Variants in IFT140 observed in about 807,000 individuals in gnomAD.
IFT140 encodes intraflagellar transport protein 140 homolog.
In IFT140, 133 loss-of-function variants were observed where a neutral mutation model predicts 164.6. That is an observed-to-expected ratio of 0.81 (90% CI 0.70 to 0.93). The LOEUF is 0.93. Among genes scored for constraint, IFT140 ranks in the 40% least tolerant of loss-of-function variants. IFT140 has a pLI of 0.00. For missense variants in IFT140, 2,045 were observed against 1,972.3 expected (o/e 1.04, Z -0.70); for synonymous variants, 860 against 817.3 (o/e 1.05, Z -0.89).
intron 29 of IFT140, 54 bp downstream of exon 29, chr16:1,519,827 C>T (rs2040464480): frequency 6.1e-6 from 9 of 1,479,870 alleles, no homozygotes; most frequent in Admixed American, 2.4e-5. Flanking sequence ...TGGTCAGCCC[C>T]GGCCCTGTAG....
In IFT140 at chr16:1,564,080, C is replaced by T. The variant is rs199758112; in HGVS notation, c.1984G>A (p.Val662Ile). The T allele has an allele frequency of 1.4e-5, 23 of 1,604,994 alleles. No individual in the cohort carries two copies. The African/African-American group carries it at 2.9e-4, about 21-fold the overall frequency. ...FWDQSEPRLF[V>I]CEAVQETPRS... ...GGCGTCTCCTGCACGGCTTCGCATA[C>T]AAACAGCCGGGGCTCACTCTGGTCC... Residue 662 changes from valine (V) to isoleucine (I), a missense_variant, in exon 17 of 31, where the codon GTA (valine) becomes ATA (isoleucine). Val to Ile is a conservative substitution (Grantham distance 29). Transcript: ENST00000426508. The surrounding 1 kb of genome is among the most constrained non-coding windows in gnomAD (Gnocchi z 5.5).
chr16:1,548,817 G>C (rs1567356534), intron 19 of IFT140, among the ~76,000 whole-genome samples: 2 of 152,218 alleles, frequency 1.3e-5, no homozygotes, highest in Admixed American at 6.5e-5. Flanking sequence ...TCTTACGCGC[G>C]TCTGGAGGCC....
intron 3 of IFT140, among the ~76,000 whole-genome samples, chr16:1,606,194 G>A (rs2036051639): frequency 6.6e-6 from 1 of 152,212 alleles, no homozygotes; most frequent in South Asian, 2.1e-4. Flanking sequence ...CCCAGTTTGT[G>A]GAAATGATTA....
At chr16:1,579,601 G>C (rs1486119518) in intron 13 of IFT140, 2 of 152,200 alleles carry the variant, frequency 1.3e-5, no homozygotes, top group Non-Finnish European at 2.9e-5. Context: ...TCAACACACT[G>C]TGTCTGCCCC....
intron 19 of IFT140, chr16:1,527,128 C>G (rs1410205052): frequency 8.6e-6 from 3 of 349,308 alleles, no homozygotes; most frequent in Non-Finnish European, 1.6e-5. Flanking sequence ...TCCTGTGTTG[C>G]TTGCACACAC....
intron 19 of IFT140, among the ~76,000 whole-genome samples, chr16:1,529,086 C>T (rs1027009059): frequency 3.3e-5 from 5 of 152,198 alleles, no homozygotes; most frequent in Admixed American, 2.6e-4. Flanking sequence ...GGCTGCAACG[C>T]GGCATACCCA....
intron 18 of IFT140, among the ~76,000 whole-genome samples, chr16:1,560,205 G>A (rs2033328597): frequency 6.6e-6 from 1 of 152,150 alleles, no homozygotes; most frequent in Non-Finnish European, 1.5e-5. Flanking sequence ...GACAGAGCAG[G>A]GAGCCCTCCA....
intron 19 of IFT140, chr16:1,541,122 C>G (rs1239960837): frequency 2.0e-6 from 2 of 985,330 alleles, no homozygotes; most frequent in Admixed American, 6.1e-5. Flanking sequence ...CCCCTGACCA[C>G]GCATCCATGT....
intron 30 of IFT140, among the ~76,000 whole-genome samples, chr16:1,513,510 A>G (rs1249879944): frequency 1.3e-5 from 2 of 151,910 alleles, no homozygotes; most frequent in South Asian, 2.1e-4. Flanking sequence ...AAAAGAAAAA[A>G]GAATGAGAAG....
intron 19 of IFT140, among the ~76,000 whole-genome samples, chr16:1,543,690 G>A (rs531650483): frequency 2.0e-5 from 3 of 152,334 alleles, no homozygotes; most frequent in South Asian, 2.1e-4. Flanking sequence ...GACTGACTCC[G>A]CCTCCTCCCC....
intron 12 of IFT140, among the ~76,000 whole-genome samples, chr16:1,582,391 G>A (rs1664315359): frequency 1.3e-5 from 2 of 152,348 alleles, no homozygotes; most frequent in Non-Finnish European, 2.9e-5. Context: ...GCCACCAGAA[G>A]CTGAAACGGG....
At chr16:1,586,067 G>A (rs1037711175) in intron 10 of IFT140, 63 bp downstream of exon 10, 23 of 1,595,798 alleles carry the variant, frequency 1.4e-5, no homozygotes, top group Admixed American at 3.3e-5. Context: ...CACCGCGCCC[G>A]GCCATGGTCT....
Position 1,568,246 on chromosome 16 carries a change from CGCT to C in IFT140, c.1738_1740del (p.Ser580del). On this transcript the variant is annotated inframe_deletion, in exon 15 of 31. Transcript: ENST00000426508. ...CTGGGGAGGATGCTGATGGTGCTCCCGCTGCTGCTGCACCGCAGAGAAGCGATG... is the reference window on the plus strand; with the variant it reads ...CTGGGGAGGATGCTGATGGTGCTCCCGCTGCTGCACCGCAGAGAAGCGATG... 1 of 1,609,478 alleles carries C rather than the reference CGCT, an allele frequency of 6.2e-7. No individual in the cohort carries two copies. Among genetic ancestry groups the C allele is most frequent in the Non-Finnish European group, 8.5e-7 (1 of 1,178,402 alleles).
chr16:1,580,547 G>A (rs2034501993), intron 13 of IFT140: 1 of 458,574 alleles, frequency 2.2e-6, no homozygotes, highest in Admixed American at 3.8e-5. Flanking sequence ...AGTTTCCTGA[G>A]GCCTCCGCAG....
chr16:1,569,365 T>A (rs1374461496), intron 14 of IFT140, among the ~76,000 whole-genome samples: 2 of 152,228 alleles, frequency 1.3e-5, no homozygotes, highest in East Asian at 3.9e-4. Flanking sequence ...GACTTACTCA[T>A]ATCATTCGGA....
chr16:1,592,045 T>G, intron 6 of IFT140, 131 bp downstream of exon 6: 1 of 1,004,724 alleles, frequency 1.0e-6, no homozygotes, highest in Non-Finnish European at 1.5e-6. Context: ...CTGGCACACG[T>G]CATCTTTCTG....
chr16:1,519,953 A>AG lies in IFT140; in HGVS notation c.3967dup (p.Leu1323ProfsTer39). 1 of 1,606,650 alleles carries AG rather than the reference A, an allele frequency of 6.2e-7. No homozygotes were observed. The highest frequency in any genetic ancestry group is 8.5e-7 in the Non-Finnish European group (1 of 1,177,182). On this transcript the variant is annotated frameshift_variant, in exon 29 of 31. Coordinates refer to ENST00000426508, the MANE Select transcript of IFT140 (RefSeq NM_014714.4). LOFTEE classifies it high-confidence loss of function. ...CTGCGCCAGCCTGGTCTCCTGGTCCAGGGGGCTCTTGGCCTTGGCCTTGGC... is the reference window on the plus strand; with the variant it reads ...CTGCGCCAGCCTGGTCTCCTGGTCCAGGGGGGCTCTTGGCCTTGGCCTTGGC...
At chr16:1,534,381 G>C (rs754970737) in intron 19 of IFT140, 1 of 1,612,830 alleles carries the variant, frequency 6.2e-7, no homozygotes, top group Admixed American at 1.7e-5. Context: ...CCAGACGCTG[G>C]AGGATGGGCG....
In IFT140 at chr16:1,589,786, G is replaced by C; in HGVS notation, c.635-6C>G. The C allele has an allele frequency of 6.2e-7, 1 of 1,610,064 alleles. No individual in the cohort carries two copies. The highest frequency in any genetic ancestry group is 2.2e-5 in the East Asian group (1 of 44,736). On this transcript the variant is annotated splice_polypyrimidine_tract_variant and splice_region_variant and intron_variant, in intron 6 of 30. Transcript: ENST00000426508. Reference sequence around the variant, plus strand: ...ATCCACATAGTGCACTGTCCCTGGGGACAAACGTGGGGTCACTACATGAGG... The same window carrying C: ...ATCCACATAGTGCACTGTCCCTGGGCACAAACGTGGGGTCACTACATGAGG...
Sources: allele counts gnomAD v4.1 joint callset (sites outside exome capture counted in the v4.1 genomes callset), GRCh38; gene constraint gnomAD v4.1.1; non-coding constraint Gnocchi (gnomAD v3.1); transcripts MANE v1.5; gene names NCBI Gene and HGNC (gene_info 2026-07-23, HGNC 2026-07-21).